The following SLC25A21 variants were observed in gnomAD, a reference collection of about 807,000 sequenced individuals.
The protein encoded by SLC25A21 is mitochondrial 2-oxodicarboxylate carrier.
Under a neutral mutation model 43.8 loss-of-function variants are expected in SLC25A21, and 47 were observed. The ratio of observed to expected loss-of-function variants is 1.07; its 90% CI spans 0.85 to 1.37. The LOEUF (loss-of-function observed/expected upper bound fraction) is 1.37, where lower values mean the gene tolerates loss of function less well. Among genes scored for constraint, SLC25A21 ranks in the 40% most tolerant of loss-of-function variants. The probability of loss-of-function intolerance (pLI) is 0.00; values close to 1 mark genes in which losing one functional copy is unlikely to be tolerated. For synonymous variants in SLC25A21, 131 were observed against 121.3 expected (o/e 1.08, Z -0.52); for missense variants, 352 against 350.2 (o/e 1.00, Z -0.04).
At chr14:36,925,697 A>C (rs529700939) in intron 1 of SLC25A21, among the ~76,000 whole-genome samples, 6 of 152,206 alleles carry the variant, frequency 3.9e-5, no homozygotes, top group Admixed American at 3.3e-4. Flanking sequence ...AAATACAAAA[A>C]TTAGCCAGGC....
intron 1 of SLC25A21, among the ~76,000 whole-genome samples, chr14:37,136,386 C>T (rs1009428977): frequency 2.0e-5 from 3 of 152,152 alleles, no homozygotes; most frequent in Admixed American, 6.5e-5. Context: ...TAAATATTTA[C>T]TTATCCAGAA....
intron 1 of SLC25A21, among the ~76,000 whole-genome samples, chr14:37,169,726 AC>A (rs1303448782): frequency 6.6e-6 from 1 of 152,106 alleles, no homozygotes; most frequent in Non-Finnish European, 1.5e-5. Flanking sequence ...CTGGCCCTTG[AC>A]CAAGTATATA....
intron 1 of SLC25A21, among the ~76,000 whole-genome samples, chr14:36,959,258 G>A (rs1959425768): frequency 1.3e-5 from 2 of 152,144 alleles, no homozygotes; most frequent in African/African-American, 4.8e-5. Context: ...ATGATGCAGT[G>A]AAGGAAAATG....
chr14:37,084,927 T>C (rs1158801457), intron 1 of SLC25A21, among the ~76,000 whole-genome samples: 6 of 152,236 alleles, frequency 3.9e-5, no homozygotes, highest in Admixed American at 6.5e-5. Flanking sequence ...TATTGTACCA[T>C]AATGTTTATT....
chr14:36,823,054 G>A (rs891322868), intron 2 of SLC25A21, among the ~76,000 whole-genome samples: 5 of 152,140 alleles, frequency 3.3e-5, no homozygotes, highest in African/African-American at 1.2e-4. Context: ...ATTGCAAAAT[G>A]AATTGTGATA....
At chr14:36,918,759 G>C (rs1016972724) in intron 1 of SLC25A21, among the ~76,000 whole-genome samples, 3 of 151,990 alleles carry the variant, frequency 2.0e-5, no homozygotes, top group Admixed American at 2.0e-4. Context: ...CTATAACTTT[G>C]TCACACATCT....
chr14:37,103,675 C>A (rs1488086105), intron 1 of SLC25A21, among the ~76,000 whole-genome samples: 2 of 152,102 alleles, frequency 1.3e-5, no homozygotes, highest in Admixed American at 1.3e-4. Flanking sequence ...AATCTCAAAC[C>A]TTCTTCCCTT....
intron 3 of SLC25A21, chr14:36,808,806 C>G (rs1333494508): frequency 6.6e-6 from 1 of 152,106 alleles, no homozygotes; most frequent in Admixed American, 6.6e-5. Context: ...AGTTTTATGT[C>G]TTTCTCTACC....
At chr14:36,796,047 T>C (rs552961760) in intron 3 of SLC25A21, among the ~76,000 whole-genome samples, 45 of 152,222 alleles carry the variant, frequency 3.0e-4, no homozygotes, top group Non-Finnish European at 6.3e-4. Context: ...GATTGAGAGA[T>C]GAAATGTCTT....
intron 1 of SLC25A21, among the ~76,000 whole-genome samples, chr14:37,051,654 G>A (rs1369508176): frequency 3.3e-5 from 5 of 152,196 alleles, no homozygotes; most frequent in African/African-American, 9.6e-5. Context: ...ACCGAGGGAT[G>A]AGCAAAGCAT....
At chr14:36,989,861 G>T (rs1473612186) in intron 1 of SLC25A21, among the ~76,000 whole-genome samples, 2 of 151,654 alleles carry the variant, frequency 1.3e-5, no homozygotes, top group Admixed American at 1.3e-4. Context: ...GACAAGTTAG[G>T]ATATGAGCAT....
chr14:36,978,708 G>A (rs1383440499), intron 1 of SLC25A21, among the ~76,000 whole-genome samples: 1 of 152,060 alleles, frequency 6.6e-6, no homozygotes, highest in African/African-American at 2.4e-5. Context: ...ACTTAACTTG[G>A]AGGATTTTGT....
intron 1 of SLC25A21, among the ~76,000 whole-genome samples, chr14:36,935,816 T>C (rs1341602935): frequency 1.3e-5 from 2 of 152,152 alleles, no homozygotes; most frequent in Non-Finnish European, 2.9e-5. Flanking sequence ...CTTTCAATCA[T>C]CCTCTCCATT....
chr14:36,804,093 A>T (rs1015332029), intron 3 of SLC25A21, among the ~76,000 whole-genome samples: 7 of 152,152 alleles, frequency 4.6e-5, no homozygotes, highest in African/African-American at 7.2e-5. Context: ...ACAAACAAAC[A>T]AACTAAACCT....
intron 3 of SLC25A21, among the ~76,000 whole-genome samples, chr14:36,755,054 A>G (rs767136008): frequency 2.6e-5 from 4 of 152,220 alleles, no homozygotes; most frequent in Non-Finnish European, 5.9e-5. Flanking sequence ...CACACAAACA[A>G]TCTACAATTC....
At chr14:36,746,414 C>G (rs1393736988) in intron 3 of SLC25A21, among the ~76,000 whole-genome samples, 1 of 152,024 alleles carries the variant, frequency 6.6e-6, no homozygotes, top group African/African-American at 2.4e-5. Context: ...CATGGACATA[C>G]AGAGTGTAGA....
chr14:37,001,434 G>T (rs1261114269), intron 1 of SLC25A21, among the ~76,000 whole-genome samples: 1 of 152,148 alleles, frequency 6.6e-6, no homozygotes, highest in East Asian at 1.9e-4. Context: ...AAATGAGTCA[G>T]AATTTAGATC....
chr14:37,010,594 C>T (rs958515833), intron 1 of SLC25A21, among the ~76,000 whole-genome samples: 12 of 152,120 alleles, frequency 7.9e-5, no homozygotes, highest in African/African-American at 2.9e-4. Flanking sequence ...TGGATTCAGG[C>T]TTAGGGGTCA....
chr14:37,084,867 G>A (rs1416388526), intron 1 of SLC25A21, among the ~76,000 whole-genome samples: 1 of 152,170 alleles, frequency 6.6e-6, no homozygotes, highest in Non-Finnish European at 1.5e-5. Flanking sequence ...AGAATTGAGA[G>A]TCCAGAAACA....
Sources: allele counts gnomAD v4.1 joint callset (sites outside exome capture counted in the v4.1 genomes callset), GRCh38; gene constraint gnomAD v4.1.1; transcripts MANE v1.5; gene names NCBI Gene and HGNC (gene_info 2026-07-23, HGNC 2026-07-21).